The following XIRP2 variants were observed in gnomAD, a reference collection of about 807,000 sequenced individuals.
XIRP2 encodes the protein xin actin binding repeat containing 2.
XIRP2 carries 236 observed loss-of-function variants against 277.0 expected under a neutral mutation model. That is an observed-to-expected ratio of 0.85 (90% CI 0.77 to 0.95). The LOEUF (loss-of-function observed/expected upper bound fraction) is 0.95, where lower values mean the gene tolerates loss of function less well. Ranked by LOEUF, XIRP2 falls within the 40% of genes least tolerant of loss-of-function variation. The pLI is 0.00. For synonymous variants in XIRP2, 1,490 were observed against 1,416.5 expected, an observed-to-expected ratio of 1.05 and a Z score of -1.17; for missense variants, 4,640 against 4,157.5, an observed-to-expected ratio of 1.12 and a Z score of -3.19.
chr2:167,214,137 GC>G (rs1694154459), intron 4 of XIRP2, among the ~76,000 whole-genome samples: 8 of 112,874 alleles, frequency 7.1e-5, no homozygotes, highest in African/African-American at 2.0e-4. Context: ...AAGGAAGGAA[GC>G]AAAGAGAAAG....
chr2:167,157,282 C>G (rs1475837006), intron 3 of XIRP2, among the ~76,000 whole-genome samples: 1 of 150,212 alleles, frequency 6.7e-6, no homozygotes, highest in Non-Finnish European at 1.5e-5. Context: ...TTCATTCATT[C>G]AAGCATTCAT....
intron 2 of XIRP2, among the ~76,000 whole-genome samples, chr2:167,091,618 G>T (rs1337658331): frequency 6.6e-6 from 1 of 151,916 alleles, no homozygotes; most frequent in Non-Finnish European, 1.5e-5. Flanking sequence ...TTTTAATTCT[G>T]TATCTGAAAA....
Position 167,245,020 on chromosome 2 carries a change from G to C in XIRP2, c.3628G>C (p.Asp1210His), listed in dbSNP as rs759971701. The change falls in exon 9 of 11, where the codon GAT (aspartate) becomes CAT (histidine). Residue 1210 changes from aspartate (D) to histidine (H), a missense_variant. Physicochemically the swap from Asp to His is moderately conservative, Grantham distance 81. Transcript: ENST00000409195. ...MRYKFENQSL[D>H]SISSSSEEVL... ...GTATAAATTTGAAAATCAGTCCTTAGATTCTATAAGTTCTAGTTCAGAGGA... is the reference window on the plus strand; with the variant it reads ...GTATAAATTTGAAAATCAGTCCTTACATTCTATAAGTTCTAGTTCAGAGGA... 4.7e-5 allele frequency: 76 copies of C among 1,613,140 alleles called. No individual in the cohort carries two copies. Among genetic ancestry groups the C allele is most frequent in the Non-Finnish European group, 5.9e-5 (70 of 1,179,666 alleles).
chr2:167,039,406 G>A (rs989616449), intron 2 of XIRP2, among the ~76,000 whole-genome samples: 1 of 152,124 alleles, frequency 6.6e-6, no homozygotes, highest in African/African-American at 2.4e-5. Context: ...TAAAAAGATG[G>A]AGAACCTAAG....
At position 167,247,681 on chromosome 2, in the gene XIRP2, G is replaced by A. The variant is rs1298654961; in HGVS notation, c.6289G>A (p.Glu2097Lys). 2 of 1,613,552 alleles carry A rather than the reference G, an allele frequency of 1.2e-6. No homozygotes were observed. The highest frequency in any genetic ancestry group is 1.7e-6 in the Non-Finnish European group (2 of 1,179,706). Residue 2097 changes from glutamate (E) to lysine (K), a missense_variant, in exon 9 of 11, where the codon GAA becomes AAA. Coordinates refer to ENST00000409195, the MANE Select transcript of XIRP2 (RefSeq NM_152381.6). ...VSVKNNLTTK[E>K]SDRAVRELKK... Reference sequence around the variant, plus strand: ...AGTTAAGAATAATCTAACAACTAAAGAATCAGACAGGGCAGTGAGAGAGCT... The same window carrying A: ...AGTTAAGAATAATCTAACAACTAAAAAATCAGACAGGGCAGTGAGAGAGCT...
chr2:167,222,430 T>TTA (rs1392772912), intron 5 of XIRP2, among the ~76,000 whole-genome samples: 15 of 152,206 alleles, frequency 9.9e-5, no homozygotes, highest in Admixed American at 7.9e-4. Flanking sequence ...TTGCAGTTAA[T>TTA]ACTAGCCATT....
chr2:167,239,019 G>A (rs1186014067), intron 5 of XIRP2, among the ~76,000 whole-genome samples: 2 of 152,146 alleles, frequency 1.3e-5, no homozygotes, highest in African/African-American at 4.8e-5. Context: ...AAAATTAAGA[G>A]TAGTTCCACA....
At chr2:166,915,099 C>A (rs1029732016) in intron 2 of XIRP2, among the ~76,000 whole-genome samples, 1 of 151,454 alleles carries the variant, frequency 6.6e-6, no homozygotes, top group East Asian at 1.9e-4. Flanking sequence ...AGATCGAGAC[C>A]ATCCTGGCTA....
At chr2:166,947,039 T>C (rs1253743797) in intron 2 of XIRP2, among the ~76,000 whole-genome samples, 1 of 152,156 alleles carries the variant, frequency 6.6e-6, no homozygotes, top group East Asian at 1.9e-4. Context: ...ATGCTTTGTT[T>C]CCATTGTTTT....
At chr2:166,944,627 G>A (rs1400344116) in intron 2 of XIRP2, among the ~76,000 whole-genome samples, 1 of 152,160 alleles carries the variant, frequency 6.6e-6, no homozygotes, top group Non-Finnish European at 1.5e-5. Context: ...GAGTTCATGT[G>A]TTCATGTAAC....
At chr2:166,890,069 C>A (rs1289560731) in intron 1 of XIRP2, among the ~76,000 whole-genome samples, 1 of 147,272 alleles carries the variant, frequency 6.8e-6, no homozygotes, top group Non-Finnish European at 1.5e-5. Context: ...GATCTCGGCT[C>A]ACTGCAACGT....
At chr2:167,036,244 C>G (rs1306537375) in intron 2 of XIRP2, among the ~76,000 whole-genome samples, 1 of 152,156 alleles carries the variant, frequency 6.6e-6, no homozygotes, top group African/African-American at 2.4e-5. Flanking sequence ...AATGTTAGAT[C>G]CACTGACAGC....
At chr2:167,117,850 AT>A (rs911007848) in intron 2 of XIRP2, among the ~76,000 whole-genome samples, 1 of 152,116 alleles carries the variant, frequency 6.6e-6, no homozygotes, top group African/African-American at 2.4e-5. Context: ...TTTGGAAATT[AT>A]TTTTTGTGTT....
At chr2:166,947,062 C>T (rs1172956549) in intron 2 of XIRP2, among the ~76,000 whole-genome samples, 1 of 151,982 alleles carries the variant, frequency 6.6e-6, no homozygotes. Context: ...TTCAAATTTT[C>T]ACAATTTTTT....
At chr2:166,940,104 C>A (rs1264808370) in intron 2 of XIRP2, among the ~76,000 whole-genome samples, 2 of 152,116 alleles carry the variant, frequency 1.3e-5, no homozygotes, top group East Asian at 3.9e-4. Context: ...TAGATTTTTT[C>A]TTTCACCTAA....
In XIRP2 at chr2:166,892,483, A is replaced by T. The variant is rs1684129020; in HGVS notation, c.-19+3926A>T. Among the ~76,000 whole-genome samples, 5 of 152,142 alleles carry T rather than the reference A, an allele frequency of 3.3e-5. 1 individual carries two copies. The South Asian group carries it at 1.0e-3, about 31-fold the overall frequency. ...TTCTGTGAAACAGCTCTGGCATGCA[A>T]TCCAGACCCTTTGCAGCCTGCTGTG... On this transcript the variant is annotated intron_variant, in intron 1 of 10. Coordinates refer to ENST00000409195, the MANE Select transcript of XIRP2 (RefSeq NM_152381.6).
chr2:167,251,223 A>G lies in XIRP2; in HGVS notation c.9831A>G (p.Leu3277=). The part of the protein sequence containing the change: ...KRATYVHKDG[L]NSTDHMVPDT... ...CTACTTATGTTCATAAAGATGGACT[A>G]AATTCCACTGATCACATGGTGCCCG... Residue 3277 remains leucine, a synonymous_variant, in exon 9 of 11, where the codon CTA becomes CTG. Transcript: ENST00000409195. 1.2e-6 allele frequency: 2 copies of G among 1,613,590 alleles called. No individual in the cohort carries two copies. Among genetic ancestry groups the G allele is most frequent in the South Asian group, 2.2e-5 (2 of 91,076 alleles).
chr2:167,057,846 C>A (rs765848010), intron 2 of XIRP2, among the ~76,000 whole-genome samples: 1 of 151,908 alleles, frequency 6.6e-6, no homozygotes, highest in Non-Finnish European at 1.5e-5. Flanking sequence ...ATCTCAATAA[C>A]TTGAAGGAGG....
chr2:166,927,894 T>G (rs1685232756), intron 2 of XIRP2, among the ~76,000 whole-genome samples: 1 of 152,168 alleles, frequency 6.6e-6, no homozygotes, highest in Non-Finnish European at 1.5e-5. Flanking sequence ...ATATGTTATC[T>G]TTTCTTTAGT....
Sources: allele counts gnomAD v4.1 joint callset (sites outside exome capture counted in the v4.1 genomes callset), GRCh38; gene constraint gnomAD v4.1.1; transcripts MANE v1.5; gene names NCBI Gene and HGNC (gene_info 2026-07-23, HGNC 2026-07-21).